Variants in CDH4 observed in about 807,000 individuals in gnomAD.
The protein encoded by CDH4 is cadherin-4.
Under a neutral mutation model 86.0 loss-of-function variants are expected in CDH4, and 33 were observed. That is an observed-to-expected ratio of 0.38 (90% CI 0.29 to 0.51). CDH4 has a LOEUF of 0.51. Among genes scored for constraint, CDH4 ranks in the 20% least tolerant of loss-of-function variants. The pLI, the probability that CDH4 is intolerant of heterozygous loss-of-function variation, is 0.86. For missense variants in CDH4, 1,114 were observed against 1,307.4 expected, an observed-to-expected ratio of 0.85 and a Z score of 2.28; for synonymous variants, 555 against 549.4, an observed-to-expected ratio of 1.01 and a Z score of -0.14.
intron 2 of CDH4, among the ~76,000 whole-genome samples, chr20:61,600,545 G>A (rs369119480): frequency 1.2e-4 from 19 of 152,142 alleles, no homozygotes; most frequent in African/African-American, 3.6e-4. Context: ...ATGAATGCCC[G>A]CAACTCACCC....
chr20:61,705,134 A>G (rs1430273961), intron 2 of CDH4, among the ~76,000 whole-genome samples: 6 of 152,190 alleles, frequency 3.9e-5, no homozygotes, highest in Non-Finnish European at 8.8e-5. Context: ...CCTTGTGCCT[A>G]GACCTAGCAG....
chr20:61,282,528 T>C (rs960781275), intron 2 of CDH4, among the ~76,000 whole-genome samples: 4 of 142,652 alleles, frequency 2.8e-5, no homozygotes, highest in Non-Finnish European at 4.5e-5. Flanking sequence ...ACTTTTAATC[T>C]TTGGCATGGT....
At chr20:61,543,767 G>A (rs969211569) in intron 2 of CDH4, among the ~76,000 whole-genome samples, 3 of 152,144 alleles carry the variant, frequency 2.0e-5, no homozygotes, top group Non-Finnish European at 4.4e-5. Flanking sequence ...GTGTAAATTG[G>A]CCTCCTGCAA....
chr20:61,612,886 C>G (rs986482216), intron 2 of CDH4, among the ~76,000 whole-genome samples: 2 of 152,068 alleles, frequency 1.3e-5, no homozygotes, highest in African/African-American at 4.8e-5. Flanking sequence ...TGGTCTTTGG[C>G]CGTTTCTCTG....
At chr20:61,716,227 C>A (rs994290535) in intron 2 of CDH4, among the ~76,000 whole-genome samples, 2 of 152,128 alleles carry the variant, frequency 1.3e-5, no homozygotes, top group African/African-American at 4.8e-5. Context: ...TGTGAGCCGC[C>A]CCTTGGCTGG....
At chr20:61,824,056 A>G (rs536170681) in intron 4 of CDH4, among the ~76,000 whole-genome samples, 1 of 152,282 alleles carries the variant, frequency 6.6e-6, no homozygotes, top group East Asian at 1.9e-4. Context: ...TTCTTTTTAC[A>G]TTACTGTTTT....
chr20:61,792,323 G>A (rs114210116), intron 4 of CDH4, among the ~76,000 whole-genome samples: 8,198 of 152,178 alleles, frequency 0.054, 697 homozygotes, highest in African/African-American at 0.18. Context: ...CACGTGTGGG[G>A]TGCCATGGGG....
At chr20:61,756,046 G>C (rs2088561114) in intron 3 of CDH4, among the ~76,000 whole-genome samples, 1 of 152,216 alleles carries the variant, frequency 6.6e-6, no homozygotes, top group Admixed American at 6.5e-5. Flanking sequence ...TGCAGGGCAG[G>C]CTGCGCCACT....
chr20:61,383,377 G>GGATATATATGAATATAT (rs1387003333), intron 2 of CDH4, among the ~76,000 whole-genome samples: 2 of 1,162 alleles, frequency 1.7e-3, no homozygotes, highest in African/African-American at 6.2e-3. Flanking sequence ...GAATATATAT[G>GGATATATATGAATATAT]GATATATATG....
intron 2 of CDH4, among the ~76,000 whole-genome samples, chr20:61,539,074 G>T (rs570007148): frequency 6.6e-6 from 1 of 152,164 alleles, no homozygotes; most frequent in Non-Finnish European, 1.5e-5. Flanking sequence ...GATCCGCAGC[G>T]GGTCAGGTGG....
intron 2 of CDH4, among the ~76,000 whole-genome samples, chr20:61,458,677 T>C (rs1054781553): frequency 6.6e-6 from 1 of 151,988 alleles, no homozygotes; most frequent in Non-Finnish European, 1.5e-5. Flanking sequence ...ATAGTGATGG[T>C]GATAGTCATG....
chr20:61,857,112 C>T (rs1333063049), intron 6 of CDH4, among the ~76,000 whole-genome samples: 1 of 152,224 alleles, frequency 6.6e-6, no homozygotes, highest in African/African-American at 2.4e-5. Flanking sequence ...TCGTGGGTCT[C>T]ACTGCCCTGC....
intron 2 of CDH4, among the ~76,000 whole-genome samples, chr20:61,554,625 G>A (rs764616133): frequency 3.5e-4 from 53 of 152,338 alleles, no homozygotes; most frequent in African/African-American, 1.2e-3. Flanking sequence ...CTCTCAAAGC[G>A]GCTGCCTGGG....
At chr20:61,896,860 C>T (rs751262768) in intron 8 of CDH4, among the ~76,000 whole-genome samples, 20 of 152,140 alleles carry the variant, frequency 1.3e-4, no homozygotes, top group African/African-American at 4.8e-4. Context: ...CACAGCTGGC[C>T]GGACAGCCCC....
intron 2 of CDH4, among the ~76,000 whole-genome samples, chr20:61,714,531 T>C (rs972287504): frequency 6.6e-6 from 1 of 152,156 alleles, no homozygotes; most frequent in Non-Finnish European, 1.5e-5. Context: ...TTGTACCCAA[T>C]AGGTAGTTTT....
chr20:61,415,172 G>A (rs2085139884), intron 2 of CDH4, among the ~76,000 whole-genome samples: 1 of 152,308 alleles, frequency 6.6e-6, no homozygotes, highest in African/African-American at 2.4e-5. Context: ...TTTGGGAGAC[G>A]TTGGGGACTC....
intron 6 of CDH4, among the ~76,000 whole-genome samples, chr20:61,859,897 G>A (rs558507845): frequency 5.2e-4 from 79 of 152,364 alleles, no homozygotes; most frequent in Admixed American, 7.8e-4. Context: ...AGCACTGCCC[G>A]TACTCAGCCC....
intron 2 of CDH4, among the ~76,000 whole-genome samples, chr20:61,418,597 T>C (rs1385635892): frequency 6.6e-6 from 1 of 152,186 alleles, no homozygotes; most frequent in Non-Finnish European, 1.5e-5. Context: ...GGGCTGATAA[T>C]GGCACTTGCT....
chr20:61,555,096 G>C (rs192314410), intron 2 of CDH4, among the ~76,000 whole-genome samples: 3 of 152,298 alleles, frequency 2.0e-5, no homozygotes, highest in East Asian at 1.9e-4. Flanking sequence ...TGCTCTTCCA[G>C]TATGAGCCGT....
Sources: allele counts gnomAD v4.1 joint callset (sites outside exome capture counted in the v4.1 genomes callset), GRCh38; gene constraint gnomAD v4.1.1; transcripts MANE v1.5; gene names NCBI Gene and HGNC (gene_info 2026-07-23, HGNC 2026-07-21).